The following COLGALT2 variants were observed in gnomAD, a reference collection of about 807,000 sequenced individuals.
COLGALT2 encodes the protein collagen beta(1-O)galactosyltransferase 2, also known as procollagen galactosyltransferase 2.
In COLGALT2, 49 loss-of-function variants were observed where a neutral mutation model predicts 73.4. The ratio of observed to expected loss-of-function variants is 0.67; its 90% CI spans 0.53 to 0.85. COLGALT2 has a LOEUF of 0.85. COLGALT2 is among the 40% of genes least tolerant of loss of function. The pLI, the probability that COLGALT2 is intolerant of heterozygous loss-of-function variation, is 0.00. For missense variants in COLGALT2, 722 were observed against 790.2 expected (o/e 0.91, Z 1.03); for synonymous variants, 295 against 307.6 (o/e 0.96, Z 0.43).
intron 11 of COLGALT2, 85 bp from the exon 12 acceptor site, chr1:183,939,122 GT>G: frequency 1.1e-6 from 1 of 898,868 alleles, no homozygotes; most frequent in South Asian, 1.7e-5. Flanking sequence ...AGGCCTCCTG[GT>G]TACCTCATGA....
chr1:183,950,962 C>A (rs750824672), intron 8 of COLGALT2, 45 bp downstream of exon 8: 1 of 1,376,284 alleles, frequency 7.3e-7, no homozygotes, highest in Admixed American at 1.7e-5. Context: ...GAAGACACAT[C>A]CACACTCCAA....
At position 183,945,170 on chromosome 1, in the gene COLGALT2, T is replaced by C. The variant is rs74133051; in HGVS notation, c.1269+262A>G. On this transcript the variant is annotated intron_variant, in intron 9 of 11. Coordinates refer to ENST00000361927, the MANE Select transcript of COLGALT2 (RefSeq NM_015101.4). ...GTATAATAGAAGGCATTCCTGCTAATGATGATAATGAATTAATAAGAGTGT... is the reference window on the plus strand; with the variant it reads ...GTATAATAGAAGGCATTCCTGCTAACGATGATAATGAATTAATAAGAGTGT... Among the ~76,000 whole-genome samples, 910 of 152,314 alleles carry C rather than the reference T, an allele frequency of 6.0e-3. 11 individuals are homozygous for C. Among genetic ancestry groups the C allele is most frequent in the African/African-American group, 0.021 (878 of 41,566 alleles).
intron 6 of COLGALT2, among the ~76,000 whole-genome samples, 176 bp from the exon 7 acceptor site, chr1:183,955,014 A>C (rs1329803740): frequency 6.6e-6 from 1 of 152,208 alleles, no homozygotes; most frequent in Middle Eastern, 3.2e-3. Context: ...TGGTCAGGGC[A>C]CTGGTTTCAG....
chr1:183,988,358 G>C (rs934295239), intron 1 of COLGALT2, among the ~76,000 whole-genome samples: 11 of 152,156 alleles, frequency 7.2e-5, no homozygotes, highest in Non-Finnish European at 1.3e-4. Flanking sequence ...ACTTTATTGA[G>C]ATATATTTCA....
intron 1 of COLGALT2, among the ~76,000 whole-genome samples, chr1:184,023,471 C>T (rs979682991): frequency 2.0e-5 from 3 of 152,172 alleles, no homozygotes; most frequent in Admixed American, 6.5e-5. Flanking sequence ...ACTTGAATTC[C>T]AACTGGCAGG....
rs1648986630 is a variant in COLGALT2, at chr1:184,015,866, G to A, written c.263+21229C>T. ...TATAAGGAGTCCCTAAGTCCCAGCT[G>A]TAGATGCCATAGATGTGGCAAACTA... On this transcript the variant is annotated intron_variant, in intron 1 of 11. Transcript: ENST00000361927. Among the ~76,000 whole-genome samples the A allele has an allele frequency of 2.0e-5, 3 of 152,230 alleles. No homozygotes were observed. In the South Asian group the frequency reaches 6.2e-4, roughly 31 times the overall value.
intron 1 of COLGALT2, among the ~76,000 whole-genome samples, chr1:184,019,289 C>A (rs1377840120): frequency 6.6e-6 from 1 of 152,152 alleles, no homozygotes; most frequent in Non-Finnish European, 1.5e-5. Context: ...CTGTGCCAAG[C>A]AGACAGCTAT....
chr1:183,956,581 T>G (rs1031043135), intron 6 of COLGALT2, among the ~76,000 whole-genome samples: 17 of 152,158 alleles, frequency 1.1e-4, no homozygotes, highest in African/African-American at 4.1e-4. Flanking sequence ...GCCTGAGACT[T>G]GGGAAGATGT....
chr1:184,024,655 C>CTTT (rs35844838), intron 1 of COLGALT2, among the ~76,000 whole-genome samples: 16,051 of 128,108 alleles, frequency 0.13, 1,234 homozygotes, highest in East Asian at 0.24. Flanking sequence ...CCAGCCTCAG[C>CTTT]TTTTTTTTTT....
chr1:184,030,321 A>G (rs917876327), intron 1 of COLGALT2, among the ~76,000 whole-genome samples: 1 of 152,194 alleles, frequency 6.6e-6, no homozygotes, highest in Non-Finnish European at 1.5e-5. Flanking sequence ...TAATAGCTAT[A>G]ATTTAAACAC....
chr1:183,951,964 C>G (rs1234177189), intron 7 of COLGALT2, among the ~76,000 whole-genome samples: 1 of 152,106 alleles, frequency 6.6e-6, no homozygotes, highest in Non-Finnish European at 1.5e-5. Flanking sequence ...GCTATAGTAA[C>G]CAAAACAGCA....
chr1:183,962,287 G>T (rs557289666), intron 6 of COLGALT2, among the ~76,000 whole-genome samples: 1 of 149,952 alleles, frequency 6.7e-6, no homozygotes, highest in Non-Finnish European at 1.5e-5. Flanking sequence ...AGCCTTCCGA[G>T]TAACTGGGAC....
chr1:183,944,702 G>A (rs1296694902), intron 9 of COLGALT2, among the ~76,000 whole-genome samples: 3 of 152,170 alleles, frequency 2.0e-5, no homozygotes, highest in Non-Finnish European at 2.9e-5. Flanking sequence ...GGGTGCTTGT[G>A]GGATGCTGGT....
intron 1 of COLGALT2, among the ~76,000 whole-genome samples, chr1:184,011,398 G>T (rs1053546074): frequency 1.3e-5 from 2 of 152,166 alleles, no homozygotes; most frequent in Non-Finnish European, 2.9e-5. Context: ...AGATTACTAT[G>T]CACAACCTCC....
At chr1:184,030,756 G>A (rs1201958373) in intron 1 of COLGALT2, among the ~76,000 whole-genome samples, 1 of 152,126 alleles carries the variant, frequency 6.6e-6, no homozygotes, top group Non-Finnish European at 1.5e-5. Context: ...AAACAGATCT[G>A]AGAAAACCAA....
At position 183,935,945 on chromosome 1, in the gene COLGALT2, T is replaced by A. The variant is rs1240526124; in HGVS notation, c.*2816A>T. 9 of 985,342 alleles carry A rather than the reference T, an allele frequency of 9.1e-6. No individual in the cohort carries two copies. The highest frequency in any genetic ancestry group is 1.1e-5 in the Non-Finnish European group (9 of 829,966). 61.0% of individuals were successfully genotyped at this position (985,342 alleles called of 1,614,324 possible). On this transcript the variant is annotated 3_prime_UTR_variant, in exon 12 of 12. Coordinates refer to ENST00000361927, the MANE Select transcript of COLGALT2 (RefSeq NM_015101.4). ...GACAGATGATGCAGGGGAACGGGTG[T>A]CCACTCTTTCTTGTTCTCAGAGCTC...
Position 183,951,066 on chromosome 1 carries a change from C to T in COLGALT2, c.1077G>A (p.Met359Ile), listed in dbSNP as rs1476387077. Reference protein sequence around the residue: ...LKRRKDRRDRMLRTLYEQEIE... With the variant: ...LKRRKDRRDRILRTLYEQEIE... Reference sequence around the variant, plus strand: ...TCTCCTGTTCATACAGTGTGCGCAGCATCCGGTCCCGCCTGTCCTTTCTGC... The same window carrying T: ...TCTCCTGTTCATACAGTGTGCGCAGTATCCGGTCCCGCCTGTCCTTTCTGC... The change falls in exon 8 of 12, where the codon ATG (methionine) becomes ATA (isoleucine). Residue 359 changes from methionine to isoleucine, a missense_variant. Physicochemically the swap from Met to Ile is conservative, Grantham distance 10 (BLOSUM62 1). Coordinates refer to ENST00000361927, the MANE Select transcript of COLGALT2 (RefSeq NM_015101.4). 6.2e-7 allele frequency: 1 copy of T among 1,613,966 alleles called. No individual in the cohort carries two copies. The highest frequency in any genetic ancestry group is 8.5e-7 in the Non-Finnish European group (1 of 1,179,880).
chr1:183,984,074 C>T (rs923612506), intron 1 of COLGALT2, among the ~76,000 whole-genome samples: 4 of 152,168 alleles, frequency 2.6e-5, no homozygotes, highest in African/African-American at 7.2e-5. Flanking sequence ...ATCAACACCT[C>T]CACTCACTCT....
At chr1:183,985,190 A>T (rs879632083) in intron 1 of COLGALT2, among the ~76,000 whole-genome samples, 1 of 152,226 alleles carries the variant, frequency 6.6e-6, no homozygotes, top group Non-Finnish European at 1.5e-5. Flanking sequence ...ATTGGTAAGC[A>T]TGGGGCCACT....
Sources: allele counts gnomAD v4.1 joint callset (sites outside exome capture counted in the v4.1 genomes callset), GRCh38; gene constraint gnomAD v4.1.1; transcripts MANE v1.5; gene names NCBI Gene and HGNC (gene_info 2026-07-23, HGNC 2026-07-21).